Variants in ST8SIA4 observed in about 807,000 individuals in gnomAD.
The protein encoded by ST8SIA4 is CMP-N-acetylneuraminate-poly-alpha-2,8-sialyltransferase.
ST8SIA4 carries 15 observed loss-of-function variants against 33.9 expected under a neutral mutation model. That is an observed-to-expected ratio of 0.44 (90% confidence interval 0.30 to 0.68). The LOEUF is 0.68. Ranked by LOEUF, ST8SIA4 falls within the 30% of genes least tolerant of loss-of-function variation. ST8SIA4 has a pLI of 0.10. For missense variants in ST8SIA4, 321 were observed against 428.0 expected, an observed-to-expected ratio of 0.75 and a Z score of 2.21; for synonymous variants, 171 against 151.2, an observed-to-expected ratio of 1.13 and a Z score of -0.96.
rs73159973 is a variant in ST8SIA4, at chr5:100,851,882, A to G, written c.797+4221T>C. 7.5e-3 allele frequency among the ~76,000 whole-genome samples: 1,137 copies of G among 152,102 alleles called. 12 individuals carry two copies. Among genetic ancestry groups the G allele is most frequent in the African/African-American group, 0.025 (1,053 of 41,544 alleles). On this transcript the variant is annotated intron_variant, in intron 4 of 4. Transcript: ENST00000231461. ...AAAATAAGAATTTTTACCTAACTCTAAGTATTTTATAAAAATGTATTTGAG... is the reference window on the plus strand; with the variant it reads ...AAAATAAGAATTTTTACCTAACTCTGAGTATTTTATAAAAATGTATTTGAG...
chr5:100,886,664 A>C (rs1752545218), intron 2 of ST8SIA4, 64 bp from the exon 3 acceptor site: 1 of 1,319,842 alleles, frequency 7.6e-7, no homozygotes, highest in Non-Finnish European at 1.1e-6. Flanking sequence ...TGATGGTGTC[A>C]TTTACAAAGT....
chr5:100,872,399 T>G (rs746048996), intron 3 of ST8SIA4, among the ~76,000 whole-genome samples: 8 of 152,152 alleles, frequency 5.3e-5, no homozygotes, highest in Non-Finnish European at 8.8e-5. Flanking sequence ...TAACTTTCTA[T>G]AGTCAGCCTA....
chr5:100,861,924 G>C (rs933489665), intron 3 of ST8SIA4, among the ~76,000 whole-genome samples: 7 of 152,128 alleles, frequency 4.6e-5, no homozygotes, highest in African/African-American at 1.7e-4. Context: ...CTTGCCCTGG[G>C]TGGATAAAAC....
chr5:100,867,105 A>G (rs1469219334), intron 3 of ST8SIA4, among the ~76,000 whole-genome samples: 1 of 152,128 alleles, frequency 6.6e-6, no homozygotes, highest in Non-Finnish European at 1.5e-5. Flanking sequence ...TGCACATAGA[A>G]TCGATACTAG....
At chr5:100,854,611 C>CA (rs746858775) in intron 4 of ST8SIA4, among the ~76,000 whole-genome samples, 2 of 151,240 alleles carry the variant, frequency 1.3e-5, no homozygotes, top group East Asian at 1.9e-4. Context: ...AAACAAAACA[C>CA]AAAAAACAAA....
At chr5:100,875,951 T>G (rs944911530) in intron 3 of ST8SIA4, among the ~76,000 whole-genome samples, 1 of 152,126 alleles carries the variant, frequency 6.6e-6, no homozygotes, top group African/African-American at 2.4e-5. Flanking sequence ...TTTACAATTT[T>G]AAAATCACAT....
intron 4 of ST8SIA4, among the ~76,000 whole-genome samples, chr5:100,816,250 T>A (rs1388136889): frequency 2.0e-5 from 3 of 152,224 alleles, no homozygotes; most frequent in Admixed American, 2.0e-4. Context: ...ACCTAATAAA[T>A]GCTTATTGAT....
At chr5:100,830,072 C>A (rs1470916705) in intron 4 of ST8SIA4, among the ~76,000 whole-genome samples, 2 of 152,076 alleles carry the variant, frequency 1.3e-5, no homozygotes, top group Non-Finnish European at 2.9e-5. Flanking sequence ...TTTTTGCAAT[C>A]TTTGGTCATA....
intron 4 of ST8SIA4, among the ~76,000 whole-genome samples, chr5:100,822,088 A>G (rs1751043887): frequency 6.6e-6 from 1 of 152,228 alleles, no homozygotes; most frequent in African/African-American, 2.4e-5. Context: ...AAAACTTTCA[A>G]CTTTTAGCCC....
rs1050941078 is a variant in ST8SIA4, at chr5:100,856,128, A to G, written c.772T>C (p.Leu258=). ...KLKVRTAYPS[L]RLIHAVRGYW... ...CCTCTGACAGCATGAATAAGTCTCAATGACGGATAGGCAGTTCGCACTTTC... is the reference window on the plus strand; with the variant it reads ...CCTCTGACAGCATGAATAAGTCTCAGTGACGGATAGGCAGTTCGCACTTTC... Residue 258 remains leucine (L), a synonymous_variant, in exon 4 of 5, where the codon TTG becomes CTG. Coordinates refer to ENST00000231461, the MANE Select transcript of ST8SIA4 (RefSeq NM_005668.6). 6.2e-7 allele frequency: 1 copy of G among 1,614,068 alleles called. No homozygotes were observed. The highest frequency in any genetic ancestry group is 1.7e-5 in the Admixed American group (1 of 60,036).
chr5:100,878,522 T>C (rs761458018), intron 3 of ST8SIA4, among the ~76,000 whole-genome samples: 1 of 152,148 alleles, frequency 6.6e-6, no homozygotes, highest in Non-Finnish European at 1.5e-5. Context: ...TTTTTTTGTT[T>C]GTAATGATGA....
At chr5:100,867,937 C>T (rs375191402) in intron 3 of ST8SIA4, among the ~76,000 whole-genome samples, 17 of 152,022 alleles carry the variant, frequency 1.1e-4, no homozygotes, top group Non-Finnish European at 7.4e-5. Flanking sequence ...ATTTATTACA[C>T]CATACTTATT....
intron 2 of ST8SIA4, among the ~76,000 whole-genome samples, chr5:100,892,460 C>T (rs976345992): frequency 4.6e-5 from 7 of 152,076 alleles, no homozygotes; most frequent in Non-Finnish European, 8.8e-5. Context: ...AACCATCTCT[C>T]ATAGACAATT....
rs201525407 is a variant in ST8SIA4 at position 100,856,333 on chromosome 5, G to A, written c.567C>T (p.Thr189=). Residue 189 remains threonine, a synonymous_variant, in exon 4 of 5, where the codon ACC becomes ACT. Transcript: ENST00000231461. The stretch of plus-strand genomic sequence containing the variant: ...CTCTTTGTACAACTGATGGATTCAT[G>A]GTAATAAAATCTGATTTAGTTCCCA... ...ADVGTKSDFI[T]MNPSVVQRAF... is the part of the protein sequence containing the mutation. 6.2e-7 allele frequency: 1 copy of A among 1,613,874 alleles called. No individual in the cohort carries two copies. Among genetic ancestry groups the A allele is most frequent in the Non-Finnish European group, 8.5e-7 (1 of 1,179,928 alleles).
At chr5:100,825,281 A>T (rs546481912) in intron 4 of ST8SIA4, among the ~76,000 whole-genome samples, 36 of 152,198 alleles carry the variant, frequency 2.4e-4, no homozygotes, top group Middle Eastern at 3.4e-3. Flanking sequence ...TATTTATTTA[A>T]TTATTTATTT....
intron 3 of ST8SIA4, among the ~76,000 whole-genome samples, chr5:100,872,342 A>G (rs1410868777): frequency 6.6e-6 from 1 of 152,088 alleles, no homozygotes; most frequent in Non-Finnish European, 1.5e-5. Context: ...TGGTGATAAC[A>G]TTGAAAATTT....
At chr5:100,896,742 G>A (rs1273575274) in intron 1 of ST8SIA4, among the ~76,000 whole-genome samples, 1 of 152,094 alleles carries the variant, frequency 6.6e-6, no homozygotes, top group East Asian at 1.9e-4. Flanking sequence ...AATAAGCTCT[G>A]TTTCCTCACT....
chr5:100,820,973 G>A (rs943184357), intron 4 of ST8SIA4, among the ~76,000 whole-genome samples: 3 of 152,110 alleles, frequency 2.0e-5, no homozygotes, highest in Non-Finnish European at 2.9e-5. Context: ...TGACCTTCAC[G>A]TTTAATCCTT....
intron 3 of ST8SIA4, chr5:100,885,362 A>G: frequency 1.0e-6 from 1 of 964,010 alleles, no homozygotes; most frequent in Middle Eastern, 5.3e-4. Context: ...TCTTCACTTG[A>G]TAATGCTTGA....
Sources: allele counts gnomAD v4.1 joint callset (sites outside exome capture counted in the v4.1 genomes callset), GRCh38; gene constraint gnomAD v4.1.1; transcripts MANE v1.5; gene names NCBI Gene and HGNC (gene_info 2026-07-23, HGNC 2026-07-21).